Variants in WDR1 observed in about 807,000 individuals in gnomAD.
The protein encoded by WDR1 is WD repeat-containing protein 1.
WDR1 carries 21 observed loss-of-function variants against 71.9 expected under a neutral mutation model. The observed-to-expected ratio is 0.29, with a 90% CI of 0.21 to 0.42. The LOEUF (loss-of-function observed/expected upper bound fraction) is 0.42. WDR1 is among the 10% of genes least tolerant of loss of function. WDR1 has a pLI of 1.00. For synonymous variants in WDR1, 424 were observed against 347.4 expected (o/e 1.22, Z -2.45); for missense variants, 696 against 824.5 (o/e 0.84, Z 1.91).
chr4:10,086,506 A>G (rs1303588053), intron 8 of WDR1, among the ~76,000 whole-genome samples: 1 of 152,162 alleles, frequency 6.6e-6, no homozygotes, highest in Non-Finnish European at 1.5e-5. Flanking sequence ...GCAAACTCCC[A>G]TGTAGAATGG....
chr4:10,116,285 G>A lies in WDR1; in HGVS notation c.17-51C>T, dbSNP rs373394732. The A allele has an allele frequency of 4.8e-5, 77 of 1,609,856 alleles. No homozygotes were observed. In the African/African-American group the frequency reaches 8.0e-4, roughly 17 times the overall value. On this transcript the variant is annotated intron_variant, in intron 1 of 14. Transcript: ENST00000499869. ...CATGTCAGGGCAGGGCGGGGACGGCGGGGACAGAAGGGAGAAGGAGCCCCG... is the reference window on the plus strand; with the variant it reads ...CATGTCAGGGCAGGGCGGGGACGGCAGGGACAGAAGGGAGAAGGAGCCCCG...
chr4:10,088,359 G>A lies in WDR1; in HGVS notation c.651C>T (p.Asp217=), dbSNP rs1192879497. 18 of 1,557,602 alleles carry A rather than the reference G, an allele frequency of 1.2e-5. No homozygotes were observed. The highest frequency in any genetic ancestry group is 4.8e-5 in the East Asian group (2 of 41,380). ...CGCACACCTTCTCCCCAGTCTTCCCGTCATAGATGTATATCTTCCAAGAAA... is the reference window on the plus strand; with the variant it reads ...CGCACACCTTCTCCCCAGTCTTCCCATCATAGATGTATATCTTCCAAGAAA... ...ASADGQIYIY[D]GKTGEKVCAL... is the part of the protein sequence containing the mutation. The change falls in exon 7 of 15, where the codon GAC becomes GAT. Residue 217 remains aspartate (D), a synonymous_variant. Transcript: ENST00000499869.
At chr4:10,099,958 A>G (rs1712591069) in intron 3 of WDR1, among the ~76,000 whole-genome samples, 1 of 152,096 alleles carries the variant, frequency 6.6e-6, no homozygotes, top group Non-Finnish European at 1.5e-5. Flanking sequence ...ATCCCCCACC[A>G]CGATCCTGTC....
chr4:10,089,544 C>G lies in WDR1; in HGVS notation c.559-803G>C, dbSNP rs1711829190. Among the ~76,000 whole-genome samples, 4 of 152,234 alleles carry G rather than the reference C, an allele frequency of 2.6e-5. No homozygotes were observed. The South Asian group carries it at 8.3e-4, about 31-fold the overall frequency. ...GAAATGAATGCATTCTTTCCGCAGT[C>G]AACAAGAGTTTGTATCAGAGACTGA... On this transcript the variant is annotated intron_variant, in intron 5 of 14. Transcript: ENST00000499869.
intron 8 of WDR1, among the ~76,000 whole-genome samples, chr4:10,085,361 G>A (rs1286552359): frequency 4.6e-5 from 7 of 152,258 alleles, no homozygotes; most frequent in African/African-American, 7.2e-5. Context: ...CAGGTACACA[G>A]TTACCAGTGG....
At position 10,099,157 on chromosome 4, in the gene WDR1, CGGGGGA is replaced by C; in HGVS notation, c.230-24_230-19del. The C allele has an allele frequency of 4.4e-6, 1 of 226,428 alleles. No individual in the cohort carries two copies. Among genetic ancestry groups the C allele is most frequent in the Non-Finnish European group, 6.7e-6 (1 of 148,984 alleles). 14.0% of individuals were successfully genotyped at this position (226,428 alleles called of 1,614,324 possible). A position where few individuals can be genotyped will look rare whatever the true frequency, so the allele number is the denominator to read the frequency against. Reference sequence around the variant, plus strand: ...AGACACATCTGTGGGGCACAGCGGGCGGGGGAGGGGGGGAGGCGGTGGTGGGGTAAA... The same window carrying C: ...AGACACATCTGTGGGGCACAGCGGGCGGGGGGGAGGCGGTGGTGGGGTAAA... On this transcript the variant is annotated intron_variant, in intron 3 of 14. Transcript: ENST00000499869.
chr4:10,087,672 C>A (rs1300652381), intron 8 of WDR1, 35 bp downstream of exon 8: 4 of 1,533,494 alleles, frequency 2.6e-6, no homozygotes, highest in African/African-American at 2.7e-5. Context: ...CCCTGTCCAC[C>A]CAGCGGGCAG....
At chr4:10,075,609 CGTT>C in intron 14 of WDR1, 125 bp from the exon 15 acceptor site, 2 of 852,722 alleles carry the variant, frequency 2.3e-6, no homozygotes, top group East Asian at 2.7e-5. Flanking sequence ...GGCCACGAAT[CGTT>C]GTAACTCAGG....
chr4:10,079,629 C>G lies in WDR1; in HGVS notation c.1285-628G>C, dbSNP rs373334554. On this transcript the variant is annotated intron_variant, in intron 11 of 14. Transcript: ENST00000499869. Reference sequence around the variant, plus strand: ...TGTCAATTCTTCCGGTTCTAACTTACTCAACTGCTCCCAGACAGTGGCCTT... The same window carrying G: ...TGTCAATTCTTCCGGTTCTAACTTAGTCAACTGCTCCCAGACAGTGGCCTT... Among the ~76,000 whole-genome samples the G allele has an allele frequency of 2.0e-5, 3 of 152,232 alleles. 1 individual carries two copies. Among genetic ancestry groups the G allele is most frequent in the Non-Finnish European group, 4.4e-5 (3 of 68,036 alleles).
chr4:10,103,792 T>TCCCCCCCCCCCC, intron 3 of WDR1, 104 bp downstream of exon 3: 1 of 74,888 alleles, frequency 1.3e-5, no homozygotes, highest in Non-Finnish European at 2.9e-5. Flanking sequence ...ACCCCCCACC[T>TCCCCCCCCCCCC]CCCTCCTCCC....
chr4:10,116,424 G>T (rs1197387638), intron 1 of WDR1, 190 bp from the exon 2 acceptor site: 1 of 922,332 alleles, frequency 1.1e-6, no homozygotes, highest in Non-Finnish European at 1.5e-6. Flanking sequence ...GCCCTTGGGG[G>T]CAGCGGGGCT....
intron 8 of WDR1, 88 bp downstream of exon 8, chr4:10,087,619 C>T: frequency 7.6e-7 from 1 of 1,317,304 alleles, no homozygotes. Context: ...TTCCACCTGG[C>T]TTCCCCTCGG....
At chr4:10,114,624 A>C (rs545039657) in intron 2 of WDR1, among the ~76,000 whole-genome samples, 3 of 152,366 alleles carry the variant, frequency 2.0e-5, no homozygotes, top group Non-Finnish European at 4.4e-5. Flanking sequence ...TTTATTTGCC[A>C]AACTACTAAA....
chr4:10,114,853 G>A (rs891978350), intron 2 of WDR1, among the ~76,000 whole-genome samples: 1 of 152,176 alleles, frequency 6.6e-6, no homozygotes, highest in Non-Finnish European at 1.5e-5. Flanking sequence ...AGCAATCCAG[G>A]GCAGGTAGAG....
intron 4 of WDR1, 122 bp downstream of exon 4, chr4:10,098,870 G>C: frequency 1.4e-6 from 2 of 1,423,630 alleles, no homozygotes; most frequent in Non-Finnish European, 1.9e-6. Context: ...CACCTACTGG[G>C]AGCTCAACCC....
intron 2 of WDR1, among the ~76,000 whole-genome samples, chr4:10,104,321 A>C (rs1350243295): frequency 6.6e-6 from 1 of 152,230 alleles, no homozygotes; most frequent in Non-Finnish European, 1.5e-5. Flanking sequence ...TAGAGCAAGA[A>C]GCCCTGGTTC....
intron 2 of WDR1, among the ~76,000 whole-genome samples, chr4:10,104,233 T>G (rs1376575660): frequency 1.3e-5 from 2 of 152,230 alleles, no homozygotes; most frequent in Non-Finnish European, 2.9e-5. Flanking sequence ...CAAGGTGATT[T>G]TTTTCCTTTT....
chr4:10,091,365 T>C (rs1228016841), intron 5 of WDR1, among the ~76,000 whole-genome samples: 1 of 152,206 alleles, frequency 6.6e-6, no homozygotes, highest in South Asian at 2.1e-4. Flanking sequence ...GAAGGCCCGA[T>C]CCACTCAGCT....
chr4:10,092,277 G>A (rs777286027), intron 5 of WDR1: 1 of 152,414 alleles, frequency 6.6e-6, no homozygotes, highest in Middle Eastern at 3.4e-3. Context: ...GGGTGGGACA[G>A]TGGACGCTGA....
Sources: gnomAD v4.1 joint callset for allele counts (sites outside exome capture counted in the v4.1 genomes callset) on GRCh38, gnomAD v4.1.1 for gene constraint, MANE v1.5 for transcripts, NCBI Gene and HGNC (gene_info 2026-07-23, HGNC 2026-07-21) for gene names.